ACTN4: variants seen among roughly 807,000 people sequenced by gnomAD.
ACTN4 encodes alpha-actinin-4.
A neutral mutation model predicts 114.2 loss-of-function variants in ACTN4; 18 were observed. That is an observed-to-expected ratio of 0.16 (90% confidence interval 0.11 to 0.23). ACTN4 has a LOEUF of 0.23. Among genes scored for constraint, ACTN4 ranks in the 10% least tolerant of loss-of-function variants. ACTN4 has a pLI of 1.00. For missense variants in ACTN4, 722 were observed against 1,262.9 expected, an observed-to-expected ratio of 0.57 and a Z score of 6.49; for synonymous variants, 515 against 506.3, an observed-to-expected ratio of 1.02 and a Z score of -0.23.
chr19:38,710,568 G>T (rs1483214447), intron 8 of ACTN4, among the ~76,000 whole-genome samples: 1 of 152,224 alleles, frequency 6.6e-6, no homozygotes, highest in African/African-American at 2.4e-5. Flanking sequence ...ATGCCCTGGT[G>T]ACTGAGTCAG....
chr19:38,674,532 A>G (rs538942748), intron 1 of ACTN4, among the ~76,000 whole-genome samples: 2 of 152,292 alleles, frequency 1.3e-5, no homozygotes, highest in East Asian at 1.9e-4. Flanking sequence ...TCCCTAACAC[A>G]GCTCATTAAA....
intron 1 of ACTN4, among the ~76,000 whole-genome samples, chr19:38,678,655 G>A (rs957763909): frequency 3.3e-5 from 5 of 152,204 alleles, no homozygotes; most frequent in East Asian, 1.9e-4. Flanking sequence ...GACCCAGGGC[G>A]ACACAGCCAC....
At chr19:38,688,403 A>AAC (rs1042448980) in intron 1 of ACTN4, among the ~76,000 whole-genome samples, 4 of 150,894 alleles carry the variant, frequency 2.7e-5, no homozygotes, top group African/African-American at 9.7e-5. Context: ...AAAAAAAAAA[A>AAC]AAAAAAAACC....
chr19:38,709,248 C>T (rs1949090378), intron 6 of ACTN4, 147 bp from the exon 7 acceptor site: 1 of 730,144 alleles, frequency 1.4e-6, no homozygotes, highest in African/African-American at 1.7e-5. Flanking sequence ...CCCTCCCGCT[C>T]ACACATCACA....
intron 1 of ACTN4, among the ~76,000 whole-genome samples, chr19:38,690,213 G>A (rs1967878559): frequency 6.6e-6 from 1 of 152,156 alleles, no homozygotes; most frequent in Admixed American, 6.5e-5. Context: ...TCTTGCAACT[G>A]CACACTCTTC....
Position 38,730,150 on chromosome 19 carries a change from AAAAC to A in ACTN4, c.*722_*725del, listed in dbSNP as rs915529630. The stretch of plus-strand genomic sequence containing the variant: ...AAAACCAAAAAAAAAAAAAATCACA[AAAAC>A]AAAAAAACTATAAAAAAGAAAGAAT... On this transcript the variant is annotated 3_prime_UTR_variant, in exon 21 of 21. Coordinates refer to ENST00000252699, the MANE Select transcript of ACTN4 (RefSeq NM_004924.6). 2.1e-4 allele frequency: 33 copies of A among 155,148 alleles called. No homozygotes were observed. The highest frequency in any genetic ancestry group is 7.0e-4 in the African/African-American group (29 of 41,148). The allele number at this position is 155,148 out of a possible 1,614,324, so 9.6% of individuals were successfully genotyped here.
At chr19:38,710,077 C>G (rs1968591770) in intron 7 of ACTN4, among the ~76,000 whole-genome samples, 180 bp from the exon 8 acceptor site, 3 of 152,112 alleles carry the variant, frequency 2.0e-5, no homozygotes, top group African/African-American at 7.2e-5. Flanking sequence ...CAGCCTTGTC[C>G]TTTCCAGACC....
chr19:38,705,677 G>A (rs1847162269), intron 4 of ACTN4, among the ~76,000 whole-genome samples: 2 of 152,244 alleles, frequency 1.3e-5, no homozygotes, highest in African/African-American at 2.4e-5. Flanking sequence ...GCCAAGGCCG[G>A]TATCAAGGGC....
At chr19:38,705,148 TG>T in intron 4 of ACTN4, 128 bp downstream of exon 4, 1 of 895,590 alleles carries the variant, frequency 1.1e-6, no homozygotes, top group Middle Eastern at 2.2e-4. Flanking sequence ...GCCTGGCCCT[TG>T]CAGGGGTAGT....
rs1452471987 is a variant in ACTN4 at position 38,710,264 on chromosome 19, G to T, written c.741G>T (p.Val247=). 2.5e-6 allele frequency: 4 copies of T among 1,613,996 alleles called. No homozygotes were observed. The African/African-American group carries it at 5.3e-5, about 22-fold the overall frequency. Residue 247 remains valine, a synonymous_variant, in exon 8 of 21, where the codon GTG becomes GTT. Transcript: ENST00000252699. ...CTTGTTGTTCACTTGCAGACATCGTGAACACGGCCCGGCCCGACGAGAAGG... is the reference window on the plus strand; with the variant it reads ...CTTGTTGTTCACTTGCAGACATCGTTAACACGGCCCGGCCCGACGAGAAGG... The part of the protein sequence containing the change: ...IPKMLDAEDI[V]NTARPDEKAI...
intron 17 of ACTN4, 35 bp downstream of exon 17, chr19:38,725,938 A>C (rs1450091175): frequency 6.2e-7 from 1 of 1,611,868 alleles, no homozygotes; most frequent in East Asian, 2.2e-5. Flanking sequence ...CCTTTCCACC[A>C]GCATGGCCGG....
At chr19:38,689,173 C>T (rs959760862) in intron 1 of ACTN4, among the ~76,000 whole-genome samples, 1 of 152,020 alleles carries the variant, frequency 6.6e-6, no homozygotes, top group Non-Finnish European at 1.5e-5. Context: ...AGAAGCAACA[C>T]AAATAATGCC....
At chr19:38,707,262 A>G (rs1968493291) in intron 5 of ACTN4, among the ~76,000 whole-genome samples, 1 of 151,654 alleles carries the variant, frequency 6.6e-6, no homozygotes, top group South Asian at 2.1e-4. Context: ...GTAAGTATCT[A>G]GCATGCCCGC....
chr19:38,689,954 G>A (rs1055690211), intron 1 of ACTN4, among the ~76,000 whole-genome samples: 9 of 152,138 alleles, frequency 5.9e-5, no homozygotes, highest in Admixed American at 5.2e-4. Context: ...GAAGGTGATC[G>A]CACCCACCTT....
intron 1 of ACTN4, among the ~76,000 whole-genome samples, chr19:38,687,285 C>T (rs1197554324): frequency 6.6e-6 from 1 of 152,140 alleles, no homozygotes; most frequent in Non-Finnish European, 1.5e-5. Context: ...TCTGGTTCTA[C>T]TGAGACCTCA....
chr19:38,728,449 C>CCTCCTCCT, intron 19 of ACTN4: 1 of 1,043,062 alleles, frequency 9.6e-7, no homozygotes, highest in Non-Finnish European at 1.3e-6. Flanking sequence ...TCCTCCTCCT[C>CCTCCTCCT]CCCCCCACCT....
At chr19:38,653,056 A>G (rs1368005918) in intron 1 of ACTN4, among the ~76,000 whole-genome samples, 5 of 149,112 alleles carry the variant, frequency 3.4e-5, no homozygotes, top group African/African-American at 1.2e-4. Context: ...ACTGCACTCC[A>G]GCCTGAGTGA....
chr19:38,667,556 A>G (rs1282250456), intron 1 of ACTN4, among the ~76,000 whole-genome samples: 1 of 151,874 alleles, frequency 6.6e-6, no homozygotes, highest in Non-Finnish European at 1.5e-5. Flanking sequence ...GCCATTCCCT[A>G]TTTAGTGTTT....
intron 1 of ACTN4, among the ~76,000 whole-genome samples, chr19:38,661,828 A>AT (rs1169004774): frequency 1.3e-5 from 2 of 151,928 alleles, no homozygotes; most frequent in Admixed American, 6.6e-5. Flanking sequence ...AATTTTTTGT[A>AT]TTTTTTGTAG....
Sources: allele counts gnomAD v4.1 joint callset (sites outside exome capture counted in the v4.1 genomes callset), GRCh38; gene constraint gnomAD v4.1.1; transcripts MANE v1.5; gene names NCBI Gene and HGNC (gene_info 2026-07-23, HGNC 2026-07-21).